Variants in CACNA2D1 observed in about 807,000 individuals in gnomAD.
CACNA2D1 encodes voltage-dependent calcium channel subunit alpha-2/delta-1.
In CACNA2D1, 53 loss-of-function variants were observed where a neutral mutation model predicts 171.5. The ratio of observed to expected loss-of-function variants is 0.31; its 90% CI spans 0.25 to 0.39. CACNA2D1 has a LOEUF of 0.39. CACNA2D1 is among the 10% of genes least tolerant of loss of function. The pLI is 1.00. For synonymous variants in CACNA2D1, 442 were observed against 443.1 expected (o/e 1.00, Z 0.03); for missense variants, 903 against 1,299.8 (o/e 0.69, Z 4.69).
intron 1 of CACNA2D1, among the ~76,000 whole-genome samples, chr7:82,380,541 G>C (rs1165596933): frequency 2.0e-5 from 3 of 152,060 alleles, no homozygotes; most frequent in Admixed American, 2.0e-4. Context: ...AAGTGAGAGG[G>C]AAGGGCCTCC....
Position 82,403,923 on chromosome 7 carries a change from A to G in CACNA2D1, c.95+39442T>C, listed in dbSNP as rs575496662. 2.0e-5 allele frequency among the ~76,000 whole-genome samples: 3 copies of G among 152,346 alleles called. No individual in the cohort carries two copies. In the South Asian group the frequency reaches 6.2e-4, roughly 32 times the overall value. On this transcript the variant is annotated intron_variant, in intron 1 of 38. Transcript: ENST00000356860. ...GGATTGAGCTTCCAATATCATCCAA[A>G]TCCAACTACACTTCCTTACCAGAGG...
At chr7:82,207,527 T>TC (rs1800127731) in intron 3 of CACNA2D1, among the ~76,000 whole-genome samples, 4 of 149,238 alleles carry the variant, frequency 2.7e-5, no homozygotes, top group Non-Finnish European at 6.0e-5. Flanking sequence ...AGATTTGAGG[T>TC]TAAAAAAAAA....
chr7:82,432,747 G>T (rs540778643), intron 1 of CACNA2D1, among the ~76,000 whole-genome samples: 2 of 152,230 alleles, frequency 1.3e-5, no homozygotes, highest in African/African-American at 2.4e-5. Context: ...AATAGAGTGG[G>T]GCAGTAAACC....
In CACNA2D1 at chr7:81,959,832, G is replaced by A. The variant is rs375733834; in HGVS notation, c.2967-3C>T. 6.2e-7 allele frequency: 1 copy of A among 1,610,918 alleles called. No homozygotes were observed. The highest frequency in any genetic ancestry group is 1.3e-5 in the African/African-American group (1 of 74,780). ...TAAGCTTTTCTCCATGAAAGATTCT[G>A]CAAAATAAATATGGTATCATAGAAA... On this transcript the variant is annotated splice_region_variant and splice_polypyrimidine_tract_variant and intron_variant, in intron 36 of 38. Coordinates refer to ENST00000356860, the MANE Select transcript of CACNA2D1 (RefSeq NM_000722.4).
At chr7:82,002,914 G>C (rs773545082) in intron 18 of CACNA2D1, among the ~76,000 whole-genome samples, 32 of 151,482 alleles carry the variant, frequency 2.1e-4, no homozygotes, top group Non-Finnish European at 1.0e-4. Context: ...CATAACATTA[G>C]ACTTTCACCT....
At chr7:82,000,627 C>T (rs1204733399) in intron 18 of CACNA2D1, among the ~76,000 whole-genome samples, 2 of 151,998 alleles carry the variant, frequency 1.3e-5, no homozygotes, top group East Asian at 3.9e-4. Context: ...GAGACGGGGT[C>T]TCGCTCTGTC....
In CACNA2D1 at chr7:81,996,200, A is replaced by T. The variant is rs139979468; in HGVS notation, c.1662+979T>A. Among the ~76,000 whole-genome samples the T allele has an allele frequency of 5.1e-3, 770 of 152,194 alleles. 9 individuals carry two copies. The highest frequency in any genetic ancestry group is 0.018 in the African/African-American group (729 of 41,464). ...TGATTTAGAAGAAACTGAGGCTTGCAGAATCTAAGATCATTTTGGTCACTC... is the reference window on the plus strand; with the variant it reads ...TGATTTAGAAGAAACTGAGGCTTGCTGAATCTAAGATCATTTTGGTCACTC... On this transcript the variant is annotated intron_variant, in intron 19 of 38. Transcript: ENST00000356860.
intron 1 of CACNA2D1, among the ~76,000 whole-genome samples, chr7:82,397,507 T>A (rs1825866000): frequency 6.6e-6 from 1 of 152,200 alleles, no homozygotes; most frequent in African/African-American, 2.4e-5. Flanking sequence ...ATATTCATTT[T>A]GCCTAGAATT....
intron 6 of CACNA2D1, among the ~76,000 whole-genome samples, chr7:82,100,688 T>C (rs1812571736): frequency 6.6e-6 from 1 of 152,192 alleles, no homozygotes; most frequent in Non-Finnish European, 1.5e-5. Context: ...ATGAAGTGTA[T>C]ACACATGTGT....
At chr7:82,010,397 C>A (rs1446207519) in intron 15 of CACNA2D1, among the ~76,000 whole-genome samples, 1 of 145,802 alleles carries the variant, frequency 6.9e-6, no homozygotes, top group Non-Finnish European at 1.5e-5. Flanking sequence ...TTTTTACATT[C>A]AGTTTCAGCT....
intron 3 of CACNA2D1, among the ~76,000 whole-genome samples, chr7:82,295,037 A>G (rs1052652336): frequency 6.6e-6 from 1 of 152,212 alleles, no homozygotes; most frequent in Non-Finnish European, 1.5e-5. Flanking sequence ...CCATCTAATT[A>G]TTAATTACAC....
chr7:82,367,880 T>C (rs1821921145), intron 1 of CACNA2D1, among the ~76,000 whole-genome samples: 1 of 152,176 alleles, frequency 6.6e-6, no homozygotes, highest in African/African-American at 2.4e-5. Context: ...ATAAAGTTTC[T>C]TTTAAAGTTA....
chr7:82,370,028 A>G (rs1822206738), intron 1 of CACNA2D1, among the ~76,000 whole-genome samples: 1 of 152,100 alleles, frequency 6.6e-6, no homozygotes, highest in Admixed American at 6.5e-5. Context: ...CTAAAATATT[A>G]GGGTGTTAGA....
chr7:82,144,649 C>G (rs1320627184), intron 4 of CACNA2D1, among the ~76,000 whole-genome samples: 1 of 151,920 alleles, frequency 6.6e-6, no homozygotes, highest in Non-Finnish European at 1.5e-5. Context: ...TAATATTTTT[C>G]TAACATTTCT....
At chr7:82,060,996 T>G (rs1023458567) in intron 9 of CACNA2D1, among the ~76,000 whole-genome samples, 1 of 152,048 alleles carries the variant, frequency 6.6e-6, no homozygotes, top group Non-Finnish European at 1.5e-5. Context: ...AAAGTAAATA[T>G]CCTCTAGAAT....
intron 1 of CACNA2D1, among the ~76,000 whole-genome samples, chr7:82,435,779 C>A (rs1830072062): frequency 6.6e-6 from 1 of 151,926 alleles, no homozygotes; most frequent in Non-Finnish European, 1.5e-5. Context: ...AACAGCAACA[C>A]AGGATAGAAG....
intron 3 of CACNA2D1, among the ~76,000 whole-genome samples, chr7:82,228,033 G>A (rs1563228428): frequency 6.6e-6 from 1 of 151,998 alleles, no homozygotes; most frequent in Non-Finnish European, 1.5e-5. Flanking sequence ...GAATATGATG[G>A]ACATCATTCA....
At chr7:82,301,017 T>C (rs567430919) in intron 3 of CACNA2D1, among the ~76,000 whole-genome samples, 16 of 152,372 alleles carry the variant, frequency 1.1e-4, no homozygotes, top group Middle Eastern at 3.4e-3. Context: ...AATGTAGACA[T>C]TGCAATTTAA....
intron 5 of CACNA2D1, among the ~76,000 whole-genome samples, chr7:82,123,493 A>G (rs1001438130): frequency 2.0e-5 from 3 of 152,236 alleles, no homozygotes; most frequent in Admixed American, 2.0e-4. Context: ...AATAATGGAT[A>G]GATGTAATAA....
Sources: gnomAD v4.1 joint callset for allele counts (sites outside exome capture counted in the v4.1 genomes callset) on GRCh38, gnomAD v4.1.1 for gene constraint, MANE v1.5 for transcripts, NCBI Gene and HGNC (gene_info 2026-07-23, HGNC 2026-07-21) for gene names.